Variants in ZFAT observed in about 807,000 individuals in gnomAD.
ZFAT encodes zinc finger and AT-hook domain containing, also known as zinc finger protein ZFAT.
ZFAT carries 64 observed loss-of-function variants against 117.7 expected under a neutral mutation model. That is an observed-to-expected ratio of 0.54 (90% CI 0.44 to 0.67). ZFAT has a LOEUF of 0.67. ZFAT is among the 30% of genes least tolerant of loss of function. The pLI, the probability that ZFAT is intolerant of heterozygous loss-of-function variation, is 0.00. For synonymous variants in ZFAT, 679 were observed against 615.0 expected (o/e 1.10, Z -1.54); for missense variants, 1,433 against 1,584.5 (o/e 0.90, Z 1.62).
intron 2 of ZFAT, chr8:134,639,737 G>C (rs1435219146): frequency 2.2e-6 from 1 of 456,282 alleles, no homozygotes; most frequent in Non-Finnish European, 4.4e-6. Context: ...ATTCATATCA[G>C]AGAAGCAGAA....
rs1351021017 is a variant in ZFAT at position 134,602,207 on chromosome 8, A to G, written c.1512T>C (p.Gly504=). The G allele has an allele frequency of 6.2e-7, 1 of 1,613,418 alleles. No individual in the cohort carries two copies. Among genetic ancestry groups the G allele is most frequent in the African/African-American group, 1.3e-5 (1 of 74,934 alleles). The stretch of plus-strand genomic sequence containing the variant: ...CCAGAGCTTCTTGCTGGATGTCCCC[A>G]CCAGGTTCCAGGAGGCAGAAGCTCT... The part of the protein sequence containing the change: ...INQSFCLLEP[G]GDIQQEALGD... The change falls in exon 6 of 16, where the codon GGT becomes GGC. Residue 504 remains glycine (G), a synonymous_variant. Transcript: ENST00000377838.
the ZFAT span, among the ~76,000 whole-genome samples, chr8:134,744,519 C>T: frequency 6.6e-6 from 1 of 151,484 alleles, no homozygotes; most frequent in East Asian, 2.0e-4. Flanking sequence ...TGGTCTCAAA[C>T]TCCTGACCTC....
intron 1 of ZFAT, among the ~76,000 whole-genome samples, chr8:134,683,923 A>G (rs1306343919): frequency 1.3e-5 from 2 of 152,116 alleles, no homozygotes; most frequent in African/African-American, 2.4e-5. Flanking sequence ...TTTTTCTGGG[A>G]AAGAAAAAAA....
At chr8:134,496,944 A>G (rs1159262350) in intron 15 of ZFAT, among the ~76,000 whole-genome samples, 1 of 152,226 alleles carries the variant, frequency 6.6e-6, no homozygotes, top group Non-Finnish European at 1.5e-5. Flanking sequence ...GTCTAACCTG[A>G]TGTGTCCTAA....
intron 1 of ZFAT, among the ~76,000 whole-genome samples, chr8:134,711,340 T>C (rs1813989529): frequency 1.3e-5 from 2 of 152,360 alleles, no homozygotes; most frequent in South Asian, 4.1e-4. Context: ...CTCATGTCAG[T>C]GCTCAAAGTT....
intron 15 of ZFAT, among the ~76,000 whole-genome samples, chr8:134,479,565 C>A (rs1817143108): frequency 6.6e-6 from 1 of 152,146 alleles, no homozygotes; most frequent in African/African-American, 2.4e-5. Flanking sequence ...GACCTTAGAG[C>A]TGCAAAAATG....
the ZFAT span, among the ~76,000 whole-genome samples, chr8:134,774,091 G>A: frequency 6.7e-6 from 1 of 148,830 alleles, no homozygotes; most frequent in Non-Finnish European, 1.5e-5. Context: ...TGCTTCCCGG[G>A]TTGAAGCTAT....
At chr8:134,773,093 CAA>C in the ZFAT span, among the ~76,000 whole-genome samples, 574 of 104,052 alleles carry the variant, frequency 5.5e-3, 2 homozygotes, top group East Asian at 0.021. Context: ...AATCCCAATT[CAA>C]AAAAAAAAAA....
intron 3 of ZFAT, among the ~76,000 whole-genome samples, chr8:134,625,626 A>G (rs1829446102): frequency 6.6e-6 from 1 of 152,188 alleles, no homozygotes. Context: ...TTTGATCCCC[A>G]AAGTCTGACT....
the ZFAT span, among the ~76,000 whole-genome samples, chr8:134,807,752 G>A: frequency 1.0e-4 from 15 of 148,678 alleles, no homozygotes; most frequent in Non-Finnish European, 1.9e-4. Context: ...TACTCCCAAA[G>A]AGACTCTATT....
At chr8:134,712,777 C>T in intron 1 of ZFAT, 68 bp downstream of exon 1, 2 of 1,413,364 alleles carry the variant, frequency 1.4e-6, no homozygotes, top group East Asian at 3.0e-5. Flanking sequence ...ACGCTCGAAA[C>T]GGCTTTCCGC....
the ZFAT span, among the ~76,000 whole-genome samples, chr8:134,754,909 C>T: frequency 2.4e-4 from 36 of 152,150 alleles, no homozygotes; most frequent in African/African-American, 8.7e-4. Context: ...TCTTGGCCAA[C>T]ACACGCAGTC....
intron 1 of ZFAT, 139 bp downstream of exon 1, chr8:134,712,706 C>G (rs897211685): frequency 2.8e-6 from 2 of 710,726 alleles, no homozygotes; most frequent in Non-Finnish European, 4.2e-6. Flanking sequence ...CCTCCCCAGA[C>G]CCGGATCCCT....
chr8:134,803,525 A>G, the ZFAT span, among the ~76,000 whole-genome samples: 1 of 152,212 alleles, frequency 6.6e-6, no homozygotes, highest in African/African-American at 2.4e-5. Context: ...AATTGTATTT[A>G]CAAGTTGGAA....
intron 10 of ZFAT, among the ~76,000 whole-genome samples, chr8:134,566,079 G>A: frequency 6.6e-6 from 1 of 151,916 alleles, no homozygotes; most frequent in South Asian, 2.1e-4. Flanking sequence ...CTAGGGAAAA[G>A]TAAACCACTG....
intron 9 of ZFAT, 107 bp from the exon 10 acceptor site, chr8:134,584,112 G>A (rs1825899374): frequency 8.3e-6 from 10 of 1,210,832 alleles, no homozygotes; most frequent in Admixed American, 2.6e-5. Flanking sequence ...TTATAGATAT[G>A]TATATATAAA....
At chr8:134,538,643 A>T (rs1822018345) in intron 11 of ZFAT, among the ~76,000 whole-genome samples, 3 of 152,106 alleles carry the variant, frequency 2.0e-5, no homozygotes, top group African/African-American at 7.2e-5. Flanking sequence ...CTAAAAATAC[A>T]AAAATTAGCC....
the ZFAT span, among the ~76,000 whole-genome samples, chr8:134,779,888 C>T: frequency 1.3e-5 from 2 of 152,222 alleles, no homozygotes; most frequent in South Asian, 4.1e-4. Context: ...AATGTGGTGA[C>T]TGAGGCTCAA....
chr8:134,815,880 T>G, the ZFAT span, among the ~76,000 whole-genome samples: 1 of 152,230 alleles, frequency 6.6e-6, no homozygotes, highest in Non-Finnish European at 1.5e-5. Flanking sequence ...TGATTTTCTT[T>G]ACACTTCTTA....
Sources: gnomAD v4.1 joint callset for allele counts (sites outside exome capture counted in the v4.1 genomes callset) on GRCh38, gnomAD v4.1.1 for gene constraint, MANE v1.5 for transcripts, NCBI Gene and HGNC (gene_info 2026-07-23, HGNC 2026-07-21) for gene names.